The following KCNH8 variants were observed in gnomAD, a reference collection of about 807,000 sequenced individuals.
KCNH8 encodes voltage-gated delayed rectifier potassium channel KCNH8.
Under a neutral mutation model 103.6 loss-of-function variants are expected in KCNH8, and 70 were observed. The ratio of observed to expected loss-of-function variants is 0.68; its 90% CI spans 0.56 to 0.82. The LOEUF (loss-of-function observed/expected upper bound fraction) is 0.82. KCNH8 is among the 40% of genes least tolerant of loss of function. The pLI, the probability that KCNH8 is intolerant of heterozygous loss-of-function variation, is 0.00. For missense variants in KCNH8, 1,217 were observed against 1,329.9 expected, an observed-to-expected ratio of 0.92 and a Z score of 1.32; for synonymous variants, 498 against 489.4, an observed-to-expected ratio of 1.02 and a Z score of -0.23.
intron 1 of KCNH8, among the ~76,000 whole-genome samples, chr3:19,177,395 T>C (rs2063410925): frequency 6.6e-6 from 1 of 152,102 alleles, no homozygotes; most frequent in Non-Finnish European, 1.5e-5. Context: ...GAAGTAATGA[T>C]TGTCATGCAT....
chr3:19,199,401 A>G (rs1380965758), intron 1 of KCNH8, among the ~76,000 whole-genome samples: 1 of 151,984 alleles, frequency 6.6e-6, no homozygotes, highest in Non-Finnish European at 1.5e-5. Context: ...ATCATGTAAC[A>G]AAAGAACACT....
At chr3:19,487,934 A>T (rs767302723) in intron 11 of KCNH8, among the ~76,000 whole-genome samples, 1 of 152,148 alleles carries the variant, frequency 6.6e-6, no homozygotes, top group African/African-American at 2.4e-5. Context: ...TGCTCCGATT[A>T]TATCAATGGT....
intron 1 of KCNH8, among the ~76,000 whole-genome samples, chr3:19,199,403 A>G (rs992504062): frequency 6.6e-6 from 1 of 152,002 alleles, no homozygotes; most frequent in African/African-American, 2.4e-5. Flanking sequence ...CATGTAACAA[A>G]AGAACACTAC....
Position 19,475,703 on chromosome 3 carries a change from T to C in KCNH8, c.2040+18721T>C, listed in dbSNP as rs1250383074. Among the ~76,000 whole-genome samples, 5 of 152,174 alleles carry C rather than the reference T, an allele frequency of 3.3e-5. No homozygotes were observed. The East Asian group carries it at 5.8e-4, about 18-fold the overall frequency. On this transcript the variant is annotated intron_variant, in intron 11 of 15. Coordinates refer to ENST00000328405, the MANE Select transcript of KCNH8 (RefSeq NM_144633.3). ...AAACATGCTCCACAAGGAAACATTC[T>C]TGAGAAAGAGACCGAGGGAAGGAAA...
chr3:19,375,656 C>T (rs1171462958), intron 5 of KCNH8, among the ~76,000 whole-genome samples: 4 of 152,208 alleles, frequency 2.6e-5, no homozygotes, highest in African/African-American at 4.8e-5. Context: ...TGAGGAACTC[C>T]GTTCCTTTGG....
chr3:19,195,705 C>A (rs1231932792), intron 1 of KCNH8, among the ~76,000 whole-genome samples: 2 of 151,942 alleles, frequency 1.3e-5, no homozygotes, highest in African/African-American at 4.8e-5. Flanking sequence ...GCCTGTGACC[C>A]AAGCTCAGCC....
intron 11 of KCNH8, among the ~76,000 whole-genome samples, chr3:19,481,472 T>G (rs1172571300): frequency 1.3e-5 from 2 of 152,108 alleles, no homozygotes; most frequent in Non-Finnish European, 2.9e-5. Context: ...TATAAAAATT[T>G]TATGTAGAAG....
intron 11 of KCNH8, among the ~76,000 whole-genome samples, chr3:19,495,702 G>C (rs1426302374): frequency 6.6e-6 from 1 of 151,264 alleles, no homozygotes; most frequent in Non-Finnish European, 1.5e-5. Context: ...TTTTAGTTTT[G>C]TACAAATTTA....
intron 3 of KCNH8, among the ~76,000 whole-genome samples, chr3:19,288,182 T>C (rs1439281202): frequency 2.1e-5 from 2 of 95,058 alleles, no homozygotes; most frequent in Non-Finnish European, 4.0e-5. Flanking sequence ...ATCAAACTTC[T>C]TTTTTTTTTT....
intron 1 of KCNH8, among the ~76,000 whole-genome samples, chr3:19,244,492 G>A (rs2064180069): frequency 6.6e-6 from 1 of 152,058 alleles, no homozygotes; most frequent in Admixed American, 6.6e-5. Flanking sequence ...CCCAGTAATG[G>A]GATTGCTGGG....
At chr3:19,374,518 T>C (rs2066159195) in intron 5 of KCNH8, among the ~76,000 whole-genome samples, 1 of 152,240 alleles carries the variant, frequency 6.6e-6, no homozygotes, top group South Asian at 2.1e-4. Flanking sequence ...GAGATGGGTT[T>C]CCTGAATACA....
At chr3:19,373,824 G>A (rs1368450005) in intron 5 of KCNH8, among the ~76,000 whole-genome samples, 1 of 151,932 alleles carries the variant, frequency 6.6e-6, no homozygotes, top group Non-Finnish European at 1.5e-5. Flanking sequence ...GTTCTCGTTG[G>A]TTTCAAAGAA....
chr3:19,258,929 CTCTCTCTCTCTCTCTCTCTA>C (rs1246550914), intron 2 of KCNH8, among the ~76,000 whole-genome samples: 31 of 82,426 alleles, frequency 3.8e-4, no homozygotes, highest in African/African-American at 1.3e-3. Flanking sequence ...CTCTCTCTCT[CTCTCTCTCTCTCTCTCTCTA>C]TATATATATA....
At chr3:19,504,684 GC>G (rs1267346770) in intron 11 of KCNH8, among the ~76,000 whole-genome samples, 1 of 152,142 alleles carries the variant, frequency 6.6e-6, no homozygotes, top group Non-Finnish European at 1.5e-5. Context: ...AATAACAGAT[GC>G]TGGAAAGATT....
At chr3:19,529,998 G>A (rs78182225) in intron 15 of KCNH8, among the ~76,000 whole-genome samples, 10,300 of 152,194 alleles carry the variant, frequency 0.068, 776 homozygotes, top group East Asian at 0.26. Context: ...TCAAGACTCT[G>A]GATTCCCATT....
intron 1 of KCNH8, among the ~76,000 whole-genome samples, chr3:19,164,853 ACC>A (rs1434327795): frequency 6.6e-6 from 1 of 152,198 alleles, no homozygotes; most frequent in African/African-American, 2.4e-5. Context: ...AGGAGTAATA[ACC>A]CACTGGTGTT....
At chr3:19,481,746 G>T (rs1281331331) in intron 11 of KCNH8, among the ~76,000 whole-genome samples, 1 of 152,148 alleles carries the variant, frequency 6.6e-6, no homozygotes, top group Non-Finnish European at 1.5e-5. Context: ...ACCCTGTGCT[G>T]GATTAAATTC....
intron 14 of KCNH8, 41 bp downstream of exon 14, chr3:19,515,469 C>A: frequency 3.0e-6 from 3 of 1,013,614 alleles, no homozygotes; most frequent in Non-Finnish European, 1.4e-6. Flanking sequence ...TAAAATATTT[C>A]TTATTAACTT....
At chr3:19,210,033 T>G (rs1575438903) in intron 1 of KCNH8, among the ~76,000 whole-genome samples, 1 of 152,082 alleles carries the variant, frequency 6.6e-6, no homozygotes, top group African/African-American at 2.4e-5. Flanking sequence ...CTTAGACAAT[T>G]TATATACTCT....
Sources: allele counts gnomAD v4.1 joint callset (sites outside exome capture counted in the v4.1 genomes callset), GRCh38; gene constraint gnomAD v4.1.1; transcripts MANE v1.5; gene names NCBI Gene and HGNC (gene_info 2026-07-23, HGNC 2026-07-21).